NISCH: variants seen among roughly 807,000 people sequenced by gnomAD.
NISCH encodes nischarin, also known as I-1 receptor candidate protein.
A neutral mutation model predicts 138.4 loss-of-function variants in NISCH; 55 were observed. That is an observed-to-expected ratio of 0.40 (90% confidence interval 0.32 to 0.50). The LOEUF (loss-of-function observed/expected upper bound fraction) is 0.50. Ranked by LOEUF, NISCH falls within the 20% of genes least tolerant of loss-of-function variation. The probability of loss-of-function intolerance (pLI) is 0.71; values close to 1 mark genes in which losing one functional copy is unlikely to be tolerated. For synonymous variants in NISCH, 860 were observed against 861.5 expected (o/e 1.00, Z 0.03); for missense variants, 1,643 against 2,005.5 (o/e 0.82, Z 3.45).
intron 3 of NISCH, among the ~76,000 whole-genome samples, chr3:52,468,681 C>T (rs1706854701): frequency 6.6e-6 from 1 of 152,090 alleles, no homozygotes; most frequent in African/African-American, 2.4e-5. Flanking sequence ...TCCATTCGGC[C>T]CTGCACCCTG....
At chr3:52,470,214 A>C (rs1245106107) in intron 3 of NISCH, among the ~76,000 whole-genome samples, 1 of 152,096 alleles carries the variant, frequency 6.6e-6, no homozygotes. Context: ...TGTTTGTATG[A>C]CTGGGGGCTT....
At chr3:52,466,044 C>A (rs1357755937) in intron 3 of NISCH, among the ~76,000 whole-genome samples, 3 of 152,214 alleles carry the variant, frequency 2.0e-5, no homozygotes, top group Non-Finnish European at 2.9e-5. Context: ...TGAACTGTTA[C>A]AATCTTAGCA....
chr3:52,462,169 C>T (rs1706653592), intron 3 of NISCH, among the ~76,000 whole-genome samples: 2 of 152,146 alleles, frequency 1.3e-5, no homozygotes. Context: ...TCAAACAGGT[C>T]CCTAGGTTAT....
chr3:52,474,458 A>T (rs11928763), intron 7 of NISCH, among the ~76,000 whole-genome samples: 1 of 151,342 alleles, frequency 6.6e-6, no homozygotes, highest in Non-Finnish European at 1.5e-5. Context: ...CACCACACCC[A>T]GCTAATTTTT....
At chr3:52,462,301 G>A (rs1270807428) in intron 3 of NISCH, among the ~76,000 whole-genome samples, 1 of 152,194 alleles carries the variant, frequency 6.6e-6, no homozygotes, top group Admixed American at 6.5e-5. Flanking sequence ...GCTGTCCCAT[G>A]CATTGTTTAG....
intron 15 of NISCH, among the ~76,000 whole-genome samples, chr3:52,486,265 G>A (rs1275478305): frequency 6.6e-6 from 1 of 151,938 alleles, no homozygotes; most frequent in Non-Finnish European, 1.5e-5. Flanking sequence ...ACAGGCGCAC[G>A]CCACCACGCC....
rs1290133210 is a variant in NISCH, at chr3:52,487,515, G to A, written c.2023G>A (p.Glu675Lys). The A allele has an allele frequency of 1.3e-6, 2 of 1,598,688 alleles. No individual in the cohort carries two copies. The highest frequency in any genetic ancestry group is 2.7e-5 in the African/African-American group (2 of 74,698). Reference sequence around the variant, plus strand: ...GGGAGGAGGCCAGGGGGAGGAAGAGGAGGAGGAAGAGGAGGATGAAGAGGC... The same window carrying A: ...GGGAGGAGGCCAGGGGGAGGAAGAGAAGGAGGAAGAGGAGGATGAAGAGGC... Reference protein sequence around the residue: ...EEGGGQGEEEEEEEEDEEAEE... With the variant: ...EEGGGQGEEEKEEEEDEEAEE... The change falls in exon 16 of 21, where the codon GAG becomes AAG. Residue 675 changes from glutamate to lysine, a missense_variant. Physicochemically the swap from Glu to Lys is moderately conservative, Grantham distance 56. Coordinates refer to ENST00000345716, the MANE Select transcript of NISCH (RefSeq NM_007184.4). The surrounding 1 kb of genome is among the most constrained non-coding windows in gnomAD (Gnocchi z 9.1).
At chr3:52,466,030 A>G (rs1051659317) in intron 3 of NISCH, among the ~76,000 whole-genome samples, 2 of 152,248 alleles carry the variant, frequency 1.3e-5, no homozygotes, top group Admixed American at 1.3e-4. Context: ...ATCAGGGGCT[A>G]TGTTGAACTG....
rs771479813 is a variant in NISCH, at chr3:52,458,708, A to G, written c.224A>G (p.Lys75Arg). Residue 75 changes from lysine to arginine, a missense_variant, in exon 3 of 21, where the codon AAG becomes AGG. By Grantham distance (26) the Lys-to-Arg change is conservative. Transcript: ENST00000345716. ...KIDKNLLPPK[K>R]IIGKNSRSLV... ...GATAAAAATCTGCTTCCGCCCAAAA[A>G]GATAATTGGGAAAAACTCAAGAAGC... The G allele has an allele frequency of 1.2e-6, 2 of 1,613,780 alleles. No individual in the cohort carries two copies. Among genetic ancestry groups the G allele is most frequent in the South Asian group, 1.1e-5 (1 of 91,064 alleles).
chr3:52,491,671 T>A, intron 20 of NISCH, 158 bp downstream of exon 20: 1 of 1,057,092 alleles, frequency 9.5e-7, no homozygotes, highest in Non-Finnish European at 1.3e-6. Context: ...TGGCAGAGTC[T>A]CCACTCCAGC....
chr3:52,481,504 G>C (rs1231599219), intron 13 of NISCH: 3 of 985,352 alleles, frequency 3.0e-6, no homozygotes, highest in African/African-American at 1.7e-5. Context: ...CGGTGAGAAA[G>C]CTTCCCTGAC....
chr3:52,468,491 C>T (rs1005003675), intron 3 of NISCH, among the ~76,000 whole-genome samples: 2 of 152,124 alleles, frequency 1.3e-5, no homozygotes, highest in African/African-American at 4.8e-5. Flanking sequence ...TTTTCAAAAC[C>T]ATCCGTGGAG....
chr3:52,471,671 C>A (rs1706951100), intron 4 of NISCH, 143 bp from the exon 5 acceptor site: 4 of 891,286 alleles, frequency 4.5e-6, no homozygotes, highest in Non-Finnish European at 7.1e-6. Flanking sequence ...AGGGCAGCAG[C>A]TCCTGCATGC....
At position 52,477,638 on chromosome 3, in the gene NISCH, T is replaced by C; in HGVS notation, c.983T>C (p.Leu328Pro). ...SHNGLLVVDNLQHLYNLVHLD... is the reference protein window; with the variant it reads ...SHNGLLVVDNPQHLYNLVHLD... ...AATGGATTGCTGGTTGTGGACAATC[T>C]GCAGGTAGTGCCTTTGGAGACCAGT... The change falls in exon 9 of 21, where the codon CTG (leucine) becomes CCG (proline). Residue 328 changes from leucine to proline, a missense_variant. Physicochemically the swap from Leu to Pro is moderately conservative, Grantham distance 98. Coordinates refer to ENST00000345716, the MANE Select transcript of NISCH (RefSeq NM_007184.4). 1 of 1,612,912 alleles carries C rather than the reference T, an allele frequency of 6.2e-7. No homozygotes were observed. The highest frequency in any genetic ancestry group is 8.5e-7 in the Non-Finnish European group (1 of 1,178,814).
intron 5 of NISCH, 97 bp from the exon 6 acceptor site, chr3:52,472,206 G>C (rs147990413): frequency 1.7e-6 from 2 of 1,209,172 alleles, no homozygotes; most frequent in African/African-American, 3.0e-5. Flanking sequence ...GTTGAAGACA[G>C]AAGTGGTCAA....
chr3:52,467,739 TC>T (rs1477650612), intron 3 of NISCH, among the ~76,000 whole-genome samples: 1 of 152,254 alleles, frequency 6.6e-6, no homozygotes, highest in Non-Finnish European at 1.5e-5. Flanking sequence ...TTCCATGTGT[TC>T]CAGAAATTCC....
At chr3:52,462,523 T>A (rs1441111106) in intron 3 of NISCH, among the ~76,000 whole-genome samples, 1 of 152,262 alleles carries the variant, frequency 6.6e-6, no homozygotes, top group East Asian at 1.9e-4. Context: ...TTCTCTTAAC[T>A]TTTATACTGT....
chr3:52,457,895 G>A lies in NISCH; in HGVS notation c.146G>A (p.Arg49His), dbSNP rs769764195. The A allele has an allele frequency of 3.1e-6, 5 of 1,611,256 alleles. No individual in the cohort carries two copies. The highest frequency in any genetic ancestry group is 4.2e-6 in the Non-Finnish European group (5 of 1,177,606). ...AGCCATGAGTGGACAGTAAAGCACC[G>A]CTACAGCGACTTCCATGACCTGCAT... ...DGSHEWTVKH[R>H]YSDFHDLHEK... The change falls in exon 2 of 21, where the codon CGC becomes CAC. Residue 49 changes from arginine (R) to histidine (H), a missense_variant. Coordinates refer to ENST00000345716, the MANE Select transcript of NISCH (RefSeq NM_007184.4).
chr3:52,490,890 G>T, intron 19 of NISCH, 57 bp downstream of exon 19: 1 of 1,603,154 alleles, frequency 6.2e-7, no homozygotes, highest in South Asian at 1.1e-5. Flanking sequence ...TCACCAGTGG[G>T]CTTCCACCTT....
Sources: gnomAD v4.1 joint callset for allele counts (sites outside exome capture counted in the v4.1 genomes callset) on GRCh38, gnomAD v4.1.1 for gene constraint, Gnocchi (gnomAD v3.1) non-coding constraint, MANE v1.5 for transcripts, NCBI Gene and HGNC (gene_info 2026-07-23, HGNC 2026-07-21) for gene names.